The following KDM4C variants were observed in gnomAD, a reference collection of about 807,000 sequenced individuals.
KDM4C encodes the protein lysine demethylase 4C.
In KDM4C, 81 loss-of-function variants were observed where a neutral mutation model predicts 129.3. The ratio of observed to expected loss-of-function variants is 0.63; its 90% confidence interval spans 0.52 to 0.75. The LOEUF is 0.75. Among genes scored for constraint, KDM4C ranks in the 30% least tolerant of loss-of-function variants. The probability of loss-of-function intolerance (pLI) is 0.00; values close to 1 mark genes in which losing one functional copy is unlikely to be tolerated. For missense variants in KDM4C, 1,457 were observed against 1,304.0 expected (o/e 1.12, Z -1.81); for synonymous variants, 573 against 456.1 (o/e 1.26, Z -3.26).
chr9:7,142,539 G>A (rs1841852196), intron 19 of KDM4C, among the ~76,000 whole-genome samples: 1 of 152,136 alleles, frequency 6.6e-6, no homozygotes, highest in Non-Finnish European at 1.5e-5. Flanking sequence ...GAAGGAGATG[G>A]ACTACATGAC....
chr9:6,894,667 C>G (rs915879767), intron 8 of KDM4C, among the ~76,000 whole-genome samples: 14 of 152,254 alleles, frequency 9.2e-5, no homozygotes, highest in Admixed American at 8.5e-4. Context: ...GCTAAACTAC[C>G]ATGTACATTG....
intron 17 of KDM4C, among the ~76,000 whole-genome samples, chr9:7,055,560 G>A (rs1242669432): frequency 6.6e-6 from 1 of 152,156 alleles, no homozygotes; most frequent in Non-Finnish European, 1.5e-5. Context: ...TGTACCTGAA[G>A]GCAAATAATA....
At chr9:6,993,569 A>T (rs998181480) in intron 12 of KDM4C, among the ~76,000 whole-genome samples, 5 of 152,300 alleles carry the variant, frequency 3.3e-5, no homozygotes, top group Middle Eastern at 3.4e-3. Context: ...TTATTGGCAT[A>T]TTCCTGCTCT....
chr9:6,735,564 A>T (rs1226909416), intron 1 of KDM4C, among the ~76,000 whole-genome samples: 1 of 152,158 alleles, frequency 6.6e-6, no homozygotes, highest in African/African-American at 2.4e-5. Flanking sequence ...GACGGTTTTA[A>T]AAACCAGAGT....
intron 19 of KDM4C, among the ~76,000 whole-genome samples, chr9:7,134,036 T>C (rs937168747): frequency 6.6e-6 from 1 of 152,326 alleles, no homozygotes; most frequent in Non-Finnish European, 1.5e-5. Flanking sequence ...TTGTGTTATG[T>C]GTGCTCCAGA....
At chr9:6,794,992 T>C (rs1827449106) in intron 2 of KDM4C, among the ~76,000 whole-genome samples, 1 of 152,232 alleles carries the variant, frequency 6.6e-6, no homozygotes, top group East Asian at 1.9e-4. Flanking sequence ...TTCATTGCAC[T>C]TGTTTCAATT....
intron 19 of KDM4C, among the ~76,000 whole-genome samples, chr9:7,142,723 T>C (rs1841872358): frequency 6.6e-6 from 1 of 152,168 alleles, no homozygotes; most frequent in Non-Finnish European, 1.5e-5. Flanking sequence ...TACCCATGGC[T>C]GGCTAAAGTC....
At chr9:6,723,320 A>C (rs1817018320) in intron 1 of KDM4C, among the ~76,000 whole-genome samples, 1 of 152,126 alleles carries the variant, frequency 6.6e-6, no homozygotes, top group South Asian at 2.1e-4. Flanking sequence ...GGTTGCAGTG[A>C]GACGAGGTCA....
At chr9:7,096,257 C>A (rs1384357286) in intron 17 of KDM4C, among the ~76,000 whole-genome samples, 1 of 152,142 alleles carries the variant, frequency 6.6e-6, no homozygotes, top group African/African-American at 2.4e-5. Flanking sequence ...CAGCGAAGTG[C>A]TTCTTTCAAC....
chr9:7,063,455 A>G (rs1339920710), intron 17 of KDM4C, among the ~76,000 whole-genome samples: 1 of 152,212 alleles, frequency 6.6e-6, no homozygotes, highest in African/African-American at 2.4e-5. Context: ...GTCTGTCAGG[A>G]TCAGAGCAGA....
chr9:6,863,842 C>T (rs1032310078), intron 5 of KDM4C, among the ~76,000 whole-genome samples: 2 of 149,842 alleles, frequency 1.3e-5, no homozygotes, highest in African/African-American at 4.9e-5. Context: ...GGGCCAGGCT[C>T]TTTTTAACAG....
rs151230996 is a variant in KDM4C at position 6,901,744 on chromosome 9, A to T, written c.921+8512A>T. On this transcript the variant is annotated intron_variant, in intron 8 of 21. Coordinates refer to ENST00000381309, the MANE Select transcript of KDM4C (RefSeq NM_015061.6). ...AAGAAAGAAGGAAAAAGATTCATTGACAGAATCTGCCACAATATGTGCTTC... is the reference window on the plus strand; with the variant it reads ...AAGAAAGAAGGAAAAAGATTCATTGTCAGAATCTGCCACAATATGTGCTTC... 4.6e-5 allele frequency among the ~76,000 whole-genome samples: 7 copies of T among 152,350 alleles called. 1 individual carries two copies. In the East Asian group the frequency reaches 1.3e-3, roughly 29 times the overall value.
intron 4 of KDM4C, among the ~76,000 whole-genome samples, chr9:6,838,850 G>T (rs1439980574): frequency 6.6e-6 from 1 of 152,194 alleles, no homozygotes; most frequent in East Asian, 1.9e-4. Context: ...TTCTCATTGT[G>T]TAAAGATCCA....
chr9:6,834,705 A>G, intron 4 of KDM4C: 1 of 873,196 alleles, frequency 1.1e-6, no homozygotes, highest in Non-Finnish European at 2.0e-6. Flanking sequence ...AACATGGAGA[A>G]GATCTGGCAC....
chr9:6,792,460 C>T (rs1826860656), intron 1 of KDM4C, among the ~76,000 whole-genome samples: 2 of 152,042 alleles, frequency 1.3e-5, no homozygotes, highest in South Asian at 4.1e-4. Context: ...GAGATCTTGG[C>T]TCACTGCAAC....
At chr9:6,749,697 G>C (rs1818006061) in intron 1 of KDM4C, among the ~76,000 whole-genome samples, 1 of 151,740 alleles carries the variant, frequency 6.6e-6, no homozygotes, top group South Asian at 2.1e-4. Context: ...ATTAAAAAAA[G>C]GTAACCTGGC....
Position 7,049,098 on chromosome 9 carries a change from C to T in KDM4C, c.2322C>T (p.Ala774=). ...ALKQTKNNKW[A]HVMCAVAVPE... ...AATGTCTCCTTTCCTGTAGGTGGGC[C>T]CATGTCATGTGCGCCGTTGCGGTCC... The change falls in exon 17 of 22, where the codon GCC becomes GCT. Residue 774 remains alanine, a synonymous_variant. Coordinates refer to ENST00000381309, the MANE Select transcript of KDM4C (RefSeq NM_015061.6). The T allele has an allele frequency of 1.2e-6, 2 of 1,609,872 alleles. No homozygotes were observed. Among genetic ancestry groups the T allele is most frequent in the Middle Eastern group, 3.3e-4 (2 of 6,050 alleles).
At chr9:7,154,396 A>C (rs1278199086) in intron 19 of KDM4C, among the ~76,000 whole-genome samples, 1 of 152,244 alleles carries the variant, frequency 6.6e-6, no homozygotes, top group Non-Finnish European at 1.5e-5. Context: ...CCACGTCTTC[A>C]TCTGGTGCAA....
chr9:7,019,969 T>A (rs188211950), intron 15 of KDM4C, among the ~76,000 whole-genome samples: 2 of 151,416 alleles, frequency 1.3e-5, no homozygotes, highest in African/African-American at 4.8e-5. Flanking sequence ...TTCTAAAGAG[T>A]AGATGTCGCT....
Sources: allele counts gnomAD v4.1 joint callset (sites outside exome capture counted in the v4.1 genomes callset), GRCh38; gene constraint gnomAD v4.1.1; transcripts MANE v1.5; gene names NCBI Gene and HGNC (gene_info 2026-07-23, HGNC 2026-07-21).